Variants in GARS1 observed in about 807,000 individuals in gnomAD.
GARS1 encodes the protein glycine--tRNA ligase.
Under a neutral mutation model 86.4 loss-of-function variants are expected in GARS1, and 46 were observed. The ratio of observed to expected loss-of-function variants is 0.53; its 90% CI spans 0.42 to 0.68. The LOEUF is 0.68. GARS1 is among the 30% of genes least tolerant of loss of function. The probability of loss-of-function intolerance (pLI) is 0.00; values close to 1 mark genes in which losing one functional copy is unlikely to be tolerated. For missense variants in GARS1, 797 were observed against 915.6 expected, an observed-to-expected ratio of 0.87 and a Z score of 1.67; for synonymous variants, 342 against 329.8, an observed-to-expected ratio of 1.04 and a Z score of -0.40.
At chr7:30,624,164 G>T (rs2893390) in intron 12 of GARS1, among the ~76,000 whole-genome samples, 4,091 of 152,076 alleles carry the variant, frequency 0.027, 187 homozygotes, top group African/African-American at 0.092. Context: ...TTTATGTGCA[G>T]TCCGAGACAG....
At chr7:30,631,390 A>G in intron 14 of GARS1, 58 bp from the exon 15 acceptor site, 2 of 1,346,846 alleles carry the variant, frequency 1.5e-6, no homozygotes, top group East Asian at 2.3e-5. Context: ...TTGGGATATT[A>G]GCATTTAGAT....
At chr7:30,614,220 CAT>C (rs1782837867) in intron 8 of GARS1, 1 of 151,744 alleles carries the variant, frequency 6.6e-6, no homozygotes, top group Non-Finnish European at 1.5e-5. Flanking sequence ...TATCACCTCA[CAT>C]AGTTACTTTT....
rs145335567 is a variant in GARS1, at chr7:30,620,296, T to G, written c.1360-1097T>G. ...AGAGTGGCTTATAAACAATGGACAT[T>G]GATTTCTCACCGTTCTGGAGGCTGG... On this transcript the variant is annotated intron_variant, in intron 10 of 16. Coordinates refer to ENST00000389266, the MANE Select transcript of GARS1 (RefSeq NM_002047.4). 4.6e-3 allele frequency among the ~76,000 whole-genome samples: 707 copies of G among 152,272 alleles called. 5 individuals are homozygous for G. Among genetic ancestry groups the G allele is most frequent in the African/African-American group, 0.016 (663 of 41,552 alleles).
intron 1 of GARS1, chr7:30,595,947 T>C (rs1312403007): frequency 2.1e-6 from 1 of 470,444 alleles, no homozygotes; most frequent in African/African-American, 2.0e-5. Flanking sequence ...AGGGAAGGTT[T>C]CATGGGCTGA....
At chr7:30,619,481 T>G (rs769719529) in intron 10 of GARS1, among the ~76,000 whole-genome samples, 2 of 152,212 alleles carry the variant, frequency 1.3e-5, no homozygotes, top group Non-Finnish European at 2.9e-5. Context: ...GTTGTTATTC[T>G]CAGGCACGTT....
chr7:30,595,217 C>G (rs1270817344), intron 1 of GARS1, 74 bp downstream of exon 1: 2 of 1,311,638 alleles, frequency 1.5e-6, no homozygotes, highest in African/African-American at 2.9e-5. Context: ...TCCTTCCCTC[C>G]TCCCCGGGGA....
intron 10 of GARS1, among the ~76,000 whole-genome samples, chr7:30,618,098 A>C (rs1233580101): frequency 6.6e-6 from 1 of 152,238 alleles, no homozygotes; most frequent in Non-Finnish European, 1.5e-5. Flanking sequence ...AATCAAAATT[A>C]GTCATATTTT....
Position 30,609,696 on chromosome 7 carries a change from A to G in GARS1, c.847A>G (p.Lys283Glu), listed in dbSNP as rs1584032284. The G allele has an allele frequency of 6.2e-7, 1 of 1,613,704 alleles. No homozygotes were observed. Among genetic ancestry groups the G allele is most frequent in the Non-Finnish European group, 8.5e-7 (1 of 1,179,700 alleles). The change falls in exon 7 of 17, where the codon AAG becomes GAG. Residue 283 changes from lysine (K) to glutamate (E), a missense_variant. Transcript: ENST00000389266. ...TCCAGTGTCTTTTAACTTAATGTTCAAGACTTTCATTGGGCCTGGAGGAAA... is the reference window on the plus strand; with the variant it reads ...TCCAGTGTCTTTTAACTTAATGTTCGAGACTTTCATTGGGCCTGGAGGAAA... ...SPPVSFNLMF[K>E]TFIGPGGNMP...
chr7:30,630,454 G>A (rs1360412143), intron 14 of GARS1, among the ~76,000 whole-genome samples: 1 of 149,554 alleles, frequency 6.7e-6, no homozygotes, highest in East Asian at 1.9e-4. Flanking sequence ...ACTGCCTTCA[G>A]TTCCCATTTC....
In GARS1 at chr7:30,601,123, C is replaced by T; in HGVS notation, c.492C>T (p.Thr164=). 1.9e-6 allele frequency: 3 copies of T among 1,614,010 alleles called. No individual in the cohort carries two copies. The South Asian group carries it at 3.3e-5, about 18-fold the overall frequency. The part of the protein sequence containing the change: ...GCALKNNIIQ[T]WRQHFIQEEQ... ...CTTTGAAGAACAATATTATTCAGAC[C>T]TGGAGGCAGCACTTTATCCAAGAGG... The change falls in exon 4 of 17, where the codon ACC becomes ACT. Residue 164 remains threonine (T), a synonymous_variant. Coordinates refer to ENST00000389266, the MANE Select transcript of GARS1 (RefSeq NM_002047.4).
chr7:30,632,353 C>T lies in GARS1; in HGVS notation c.2010C>T (p.Val670=), dbSNP rs186818221. 1.2e-6 allele frequency: 2 copies of T among 1,613,982 alleles called. No homozygotes were observed. The highest frequency in any genetic ancestry group is 1.3e-5 in the African/African-American group (1 of 74,886). The part of the protein sequence containing the change: ...RTDEIGVAFG[V]TIDFDTVNKT... ...ATGAGATTGGCGTGGCTTTTGGTGT[C>T]ACCATTGACTTTGACACAGTGAACA... Residue 670 remains valine, a synonymous_variant, in exon 16 of 17, where the codon GTC becomes GTT. Coordinates refer to ENST00000389266, the MANE Select transcript of GARS1 (RefSeq NM_002047.4). This position sits in a 1 kb window ranked among gnomAD's most constrained non-coding sequence, Gnocchi z 4.1.
chr7:30,621,592 A>G, intron 11 of GARS1, 92 bp downstream of exon 11: 2 of 933,542 alleles, frequency 2.1e-6, no homozygotes, highest in Non-Finnish European at 3.6e-6. Context: ...TCTATGGATA[A>G]ATGGAGATGT....
Position 30,623,661 on chromosome 7 carries a change from T to C in GARS1, c.1613+1199T>C, listed in dbSNP as rs75847373. On this transcript the variant is annotated intron_variant, in intron 12 of 16. Transcript: ENST00000389266. Reference sequence around the variant, plus strand: ...CTAGAGAGGGTGTATAGAAAAAATATTATACAGTAGCTAGAAAATTTACAA... The same window carrying C: ...CTAGAGAGGGTGTATAGAAAAAATACTATACAGTAGCTAGAAAATTTACAA... Among the ~76,000 whole-genome samples the C allele has an allele frequency of 7.0e-3, 1,070 of 152,184 alleles. 8 individuals are homozygous for C. Among genetic ancestry groups the C allele is most frequent in the Middle Eastern group, 0.014 (4 of 294 alleles).
chr7:30,594,780 C>T (rs1791199501), upstream of GARS1: 13 of 705,578 alleles, frequency 1.8e-5, no homozygotes, highest in South Asian at 1.5e-4. Context: ...GCGGCGGCGA[C>T]CCGGCGCCGC....
chr7:30,599,131 A>G (rs1791324182), intron 2 of GARS1, among the ~76,000 whole-genome samples: 2 of 152,276 alleles, frequency 1.3e-5, no homozygotes, highest in African/African-American at 4.8e-5. Context: ...CAAATGCTGG[A>G]CTCAATACGC....
chr7:30,629,846 A>C (rs1401597032), intron 14 of GARS1, among the ~76,000 whole-genome samples: 1 of 152,222 alleles, frequency 6.6e-6, no homozygotes, highest in Non-Finnish European at 1.5e-5. Context: ...ACATAACTGC[A>C]TGTGTTCTTT....
intron 10 of GARS1, 150 bp downstream of exon 10, chr7:30,617,428 T>A: frequency 1.1e-6 from 1 of 913,388 alleles, no homozygotes; most frequent in Non-Finnish European, 1.7e-6. Flanking sequence ...AGCAGTTGCC[T>A]CCTGCCTTTT....
intron 12 of GARS1, among the ~76,000 whole-genome samples, chr7:30,623,466 G>T (rs1783061229): frequency 6.6e-6 from 1 of 152,092 alleles, no homozygotes; most frequent in South Asian, 2.1e-4. Flanking sequence ...TATCTCAAAT[G>T]AAAATGTCAC....
At chr7:30,614,134 C>G (rs939572910) in intron 8 of GARS1, 2 of 151,972 alleles carry the variant, frequency 1.3e-5, no homozygotes, top group Non-Finnish European at 2.9e-5. Context: ...TGTATGATTT[C>G]AAGTCACACA....
Sources: allele counts gnomAD v4.1 joint callset (sites outside exome capture counted in the v4.1 genomes callset), GRCh38; gene constraint gnomAD v4.1.1; non-coding constraint Gnocchi (gnomAD v3.1); transcripts MANE v1.5; gene names NCBI Gene and HGNC (gene_info 2026-07-23, HGNC 2026-07-21).